Variants in CNTN1 observed in about 807,000 individuals in gnomAD.
CNTN1 encodes the protein contactin 1.
Under a neutral mutation model 126.4 loss-of-function variants are expected in CNTN1, and 38 were observed. The ratio of observed to expected loss-of-function variants is 0.30; its 90% CI spans 0.23 to 0.39. The LOEUF (loss-of-function observed/expected upper bound fraction) is 0.39. CNTN1 is among the 10% of genes least tolerant of loss of function. The pLI is 1.00. For synonymous variants in CNTN1, 413 were observed against 422.6 expected (o/e 0.98, Z 0.28); for missense variants, 1,009 against 1,248.4 (o/e 0.81, Z 2.89).
intron 1 of CNTN1, among the ~76,000 whole-genome samples, chr12:40,837,489 A>G (rs1942104712): frequency 1.3e-5 from 2 of 152,268 alleles, no homozygotes; most frequent in South Asian, 4.1e-4. Context: ...TGAAACTATC[A>G]TAGGGAGTTG....
chr12:40,707,042 T>TGCG (rs1941765751), intron 1 of CNTN1, among the ~76,000 whole-genome samples: 2 of 149,324 alleles, frequency 1.3e-5, no homozygotes, highest in African/African-American at 5.0e-5. Context: ...GCGCGCGCGC[T>TGCG]TGCGCACACA....
intron 12 of CNTN1, 39 bp from the exon 13 acceptor site, chr12:40,943,558 A>C (rs1946332334): frequency 6.9e-7 from 1 of 1,439,008 alleles, no homozygotes; most frequent in Admixed American, 1.7e-5. Context: ...TATTTTACTA[A>C]ATCAGGTTTG....
intron 1 of CNTN1, among the ~76,000 whole-genome samples, chr12:40,722,929 A>C (rs1046001370): frequency 6.6e-6 from 1 of 152,108 alleles, no homozygotes; most frequent in African/African-American, 2.4e-5. Context: ...GGTGTTTTGA[A>C]GATAGAGTTG....
At chr12:40,904,957 A>T (rs546800586) in intron 1 of CNTN1, among the ~76,000 whole-genome samples, 17 of 152,360 alleles carry the variant, frequency 1.1e-4, no homozygotes, top group African/African-American at 3.6e-4. Flanking sequence ...TTTTGCATGC[A>T]CAACTTTATG....
At position 41,016,966 on chromosome 12, in the gene CNTN1, T is replaced by A. The variant is rs781703759; in HGVS notation, c.2419+50T>A. On this transcript the variant is annotated intron_variant, in intron 19 of 23. Coordinates refer to ENST00000551295, the MANE Select transcript of CNTN1 (RefSeq NM_001843.4). ...CCTGAGGAGGGAGGAAAAACGTATT[T>A]CTCTAGCAGGCATTTAGTTTGTTTC... is the stretch of plus-strand genomic sequence containing the variant. The A allele has an allele frequency of 6.7e-5, 97 of 1,451,312 alleles. 5 individuals are homozygous for A. The South Asian group carries it at 1.0e-3, about 16-fold the overall frequency. 89.9% of individuals were successfully genotyped at this position (1,451,312 alleles called of 1,614,324 possible). A position where few individuals can be genotyped will look rare whatever the true frequency, so the allele number is the denominator to read the frequency against.
chr12:40,902,456 T>C (rs1944642227), intron 1 of CNTN1, among the ~76,000 whole-genome samples: 1 of 152,196 alleles, frequency 6.6e-6, no homozygotes, highest in Non-Finnish European at 1.5e-5. Context: ...AACTTTGTAG[T>C]GAATGTTGTT....
intron 15 of CNTN1, chr12:40,971,961 A>T: frequency 9.9e-7 from 1 of 1,009,468 alleles, no homozygotes; most frequent in South Asian, 4.2e-5. Flanking sequence ...ATTAGGACAT[A>T]AGCTAAAAGG....
At chr12:40,968,906 A>T (rs1947399420) in intron 15 of CNTN1, among the ~76,000 whole-genome samples, 1 of 152,158 alleles carries the variant, frequency 6.6e-6, no homozygotes, top group South Asian at 2.1e-4. Context: ...TTGTTGGTAC[A>T]TGGTTTGTCA....
At chr12:40,908,638 C>T (rs1944921711) in intron 2 of CNTN1, 145 bp downstream of exon 2, 2 of 566,904 alleles carry the variant, frequency 3.5e-6, no homozygotes, top group South Asian at 2.3e-5. Context: ...CAAGGGTGAC[C>T]CTATTTCCTT....
chr12:40,773,674 C>CAT (rs1939451328), intron 1 of CNTN1, among the ~76,000 whole-genome samples: 8 of 9,782 alleles, frequency 8.2e-4, no homozygotes, highest in African/African-American at 1.5e-3. Flanking sequence ...TATATATATA[C>CAT]ACATATATAT....
At chr12:41,043,886 A>G (rs1338172880) in intron 23 of CNTN1, among the ~76,000 whole-genome samples, 1 of 149,218 alleles carries the variant, frequency 6.7e-6, no homozygotes, top group East Asian at 2.0e-4. Context: ...ATTCTCAGTA[A>G]ACTATCGCAA....
At chr12:40,701,650 G>A (rs964826927) in intron 1 of CNTN1, among the ~76,000 whole-genome samples, 2 of 152,190 alleles carry the variant, frequency 1.3e-5, no homozygotes, top group South Asian at 4.1e-4. Context: ...CTAATGGATT[G>A]ACTTTATTTT....
At chr12:40,788,917 T>C (rs1157590003) in intron 1 of CNTN1, among the ~76,000 whole-genome samples, 1 of 152,152 alleles carries the variant, frequency 6.6e-6, no homozygotes, top group Admixed American at 6.6e-5. Flanking sequence ...TACATGTTAA[T>C]TTTCTCTCGT....
chr12:40,721,744 T>A (rs2121219680), intron 1 of CNTN1, among the ~76,000 whole-genome samples: 1 of 135,872 alleles, frequency 7.4e-6, no homozygotes, highest in South Asian at 2.5e-4. Context: ...ATGTTCCCCT[T>A]CCTATGTCTA....
chr12:40,975,769 T>C (rs1388314924), intron 15 of CNTN1, among the ~76,000 whole-genome samples: 1 of 152,112 alleles, frequency 6.6e-6, no homozygotes, highest in Non-Finnish European at 1.5e-5. Context: ...AACACTATGA[T>C]TTTGAATGGG....
At chr12:40,956,908 G>C (rs1946905458) in intron 14 of CNTN1, among the ~76,000 whole-genome samples, 1 of 152,002 alleles carries the variant, frequency 6.6e-6, no homozygotes, top group Non-Finnish European at 1.5e-5. Context: ...TAGGGGTTCA[G>C]GTGAGAGATG....
intron 1 of CNTN1, among the ~76,000 whole-genome samples, chr12:40,877,372 G>A (rs1943706479): frequency 6.6e-6 from 1 of 152,206 alleles, no homozygotes; most frequent in African/African-American, 2.4e-5. Flanking sequence ...AGGTTCAGAT[G>A]AGATTATTTC....
intron 1 of CNTN1, among the ~76,000 whole-genome samples, chr12:40,732,628 C>T (rs1942528940): frequency 6.6e-6 from 1 of 151,954 alleles, no homozygotes; most frequent in Non-Finnish European, 1.5e-5. Flanking sequence ...TGCAAAAGAA[C>T]ATTGAAATCC....
At chr12:40,720,973 ATGT>A (rs200767122) in intron 1 of CNTN1, among the ~76,000 whole-genome samples, 1 of 148,088 alleles carries the variant, frequency 6.8e-6, no homozygotes, top group African/African-American at 2.4e-5. Flanking sequence ...ATGTGTATAT[ATGT>A]TATAACATAT....
Sources: gnomAD v4.1 joint callset for allele counts (sites outside exome capture counted in the v4.1 genomes callset) on GRCh38, gnomAD v4.1.1 for gene constraint, MANE v1.5 for transcripts, NCBI Gene and HGNC (gene_info 2026-07-23, HGNC 2026-07-21) for gene names.